The following DENND4C variants were observed in gnomAD, a reference collection of about 807,000 sequenced individuals.
DENND4C encodes DENN domain-containing protein 4C.
Under a neutral mutation model 203.0 loss-of-function variants are expected in DENND4C, and 108 were observed. The ratio of observed to expected loss-of-function variants is 0.53; its 90% CI spans 0.46 to 0.62. The LOEUF (loss-of-function observed/expected upper bound fraction) is 0.62. Among genes scored for constraint, DENND4C ranks in the 20% least tolerant of loss-of-function variants. The pLI is 0.00. For synonymous variants in DENND4C, 871 were observed against 792.4 expected, an observed-to-expected ratio of 1.10 and a Z score of -1.67; for missense variants, 2,481 against 2,301.2, an observed-to-expected ratio of 1.08 and a Z score of -1.60.
intron 1 of DENND4C, among the ~76,000 whole-genome samples, chr9:19,270,562 A>G (rs1831436674): frequency 6.6e-6 from 1 of 152,240 alleles, no homozygotes; most frequent in Non-Finnish European, 1.5e-5. Flanking sequence ...ACTCCATTGT[A>G]GGTTTATATC....
At chr9:19,258,335 A>G (rs1588762367) in intron 1 of DENND4C, among the ~76,000 whole-genome samples, 1 of 152,164 alleles carries the variant, frequency 6.6e-6, no homozygotes, top group African/African-American at 2.4e-5. Context: ...AGAGGAGGAA[A>G]TTTTTCCCAA....
At chr9:19,246,595 T>G (rs1303801071) in intron 1 of DENND4C, among the ~76,000 whole-genome samples, 3 of 152,228 alleles carry the variant, frequency 2.0e-5, no homozygotes, top group East Asian at 3.9e-4. Flanking sequence ...GTTTTTATTC[T>G]CTGCAGCGAA....
chr9:19,340,880 TC>T, intron 20 of DENND4C, 111 bp from the exon 21 acceptor site: 2 of 933,328 alleles, frequency 2.1e-6, no homozygotes, highest in Non-Finnish European at 3.0e-6. Flanking sequence ...TTTCTTGTCT[TC>T]CTTTTGTCTA....
intron 4 of DENND4C, 39 bp from the exon 5 acceptor site, chr9:19,290,665 A>G: frequency 7.6e-7 from 1 of 1,309,666 alleles, no homozygotes; most frequent in African/African-American, 1.5e-5. Context: ...TGGAAAAGTA[A>G]CTATTTAAAA....
chr9:19,372,452 A>G lies in DENND4C; in HGVS notation c.*279A>G. The G allele has an allele frequency of 3.4e-6, 1 of 293,188 alleles. No homozygotes were observed. Among genetic ancestry groups the G allele is most frequent in the Non-Finnish European group, 6.3e-6 (1 of 159,862 alleles). 18.2% of individuals were successfully genotyped at this position (293,188 alleles called of 1,614,324 possible). A position where few individuals can be genotyped will look rare whatever the true frequency, so the allele number is the denominator to read the frequency against. ...TTTGGGATTCTTCAGTATTTGTAGT[A>G]GTTTGATAGAAATAATGAGGAACCA... On this transcript the variant is annotated 3_prime_UTR_variant, in exon 33 of 33. Coordinates refer to ENST00000434457, the MANE Select transcript of DENND4C (RefSeq NM_001330640.2).
intron 8 of DENND4C, among the ~76,000 whole-genome samples, chr9:19,299,739 G>A (rs897241469): frequency 2.6e-5 from 4 of 152,088 alleles, no homozygotes; most frequent in Non-Finnish European, 5.9e-5. Flanking sequence ...CCACCCTGTA[G>A]CCAGTGTGTC....
chr9:19,354,924 T>C (rs968986154), intron 26 of DENND4C, among the ~76,000 whole-genome samples: 1 of 151,514 alleles, frequency 6.6e-6, no homozygotes, highest in Non-Finnish European at 1.5e-5. Flanking sequence ...TTGTTTTTTT[T>C]TTTGAGATGG....
chr9:19,349,931 T>G (rs1012008074), intron 23 of DENND4C, among the ~76,000 whole-genome samples: 1 of 152,230 alleles, frequency 6.6e-6, no homozygotes, highest in Non-Finnish European at 1.5e-5. Flanking sequence ...TATATCAAGA[T>G]TTTGATTATA....
chr9:19,302,688 G>C (rs1838828857), intron 9 of DENND4C, among the ~76,000 whole-genome samples: 1 of 152,216 alleles, frequency 6.6e-6, no homozygotes. Flanking sequence ...TCCTTTGTGA[G>C]TGGCTCTGCC....
intron 2 of DENND4C, among the ~76,000 whole-genome samples, chr9:19,280,398 G>T (rs1833818506): frequency 6.6e-6 from 1 of 152,152 alleles, no homozygotes; most frequent in South Asian, 2.1e-4. Context: ...ACCTGCCTCT[G>T]CCTCCCAAAG....
chr9:19,356,786 T>TGAGAGAGAGAGA (rs1390196943), intron 26 of DENND4C, among the ~76,000 whole-genome samples, 186 bp from the exon 27 acceptor site: 71 of 118,820 alleles, frequency 6.0e-4, no homozygotes, highest in African/African-American at 2.3e-3. Context: ...TGTGTGTGTG[T>TGAGAGAGAGAGA]GTGAGAGAGA....
intron 2 of DENND4C, among the ~76,000 whole-genome samples, chr9:19,281,121 T>C (rs948289062): frequency 2.6e-5 from 4 of 152,230 alleles, no homozygotes; most frequent in African/African-American, 9.6e-5. Flanking sequence ...TGTGAATCTC[T>C]GCAAAATTGT....
At chr9:19,323,926 T>C (rs1339173664) in intron 12 of DENND4C, among the ~76,000 whole-genome samples, 2 of 152,222 alleles carry the variant, frequency 1.3e-5, no homozygotes. Context: ...CCTGAGATGC[T>C]GCAGAATCTG....
In DENND4C at chr9:19,373,661, C is replaced by G. The variant is rs757031802; in HGVS notation, c.*1488C>G. 5 of 152,518 alleles carry G rather than the reference C, an allele frequency of 3.3e-5. No homozygotes were observed. Among genetic ancestry groups the G allele is most frequent in the East Asian group, 1.9e-4 (1 of 5,200 alleles). 9.4% of individuals were successfully genotyped at this position (152,518 alleles called of 1,614,324 possible). On this transcript the variant is annotated 3_prime_UTR_variant, in exon 33 of 33. Transcript: ENST00000434457. ...ATGCCTCACTTTGACATTTATCATGCCTTTTATTAAAAATATCCCTTAGGA... is the reference window on the plus strand; with the variant it reads ...ATGCCTCACTTTGACATTTATCATGGCTTTTATTAAAAATATCCCTTAGGA...
chr9:19,230,614 G>C (rs1820260862), upstream of DENND4C: 1 of 152,068 alleles, frequency 6.6e-6, no homozygotes, highest in Non-Finnish European at 1.5e-5. Flanking sequence ...AGGCACCCGC[G>C]CGGGCCAGCG....
chr9:19,369,920 C>T lies in DENND4C; in HGVS notation c.5608C>T (p.His1870Tyr), dbSNP rs947490776. The change falls in exon 31 of 33, where the codon CAC (histidine) becomes TAC (tyrosine). Residue 1870 changes from histidine (H) to tyrosine (Y), a missense_variant. His to Tyr is a moderately conservative substitution (Grantham distance 83). Coordinates refer to ENST00000434457, the MANE Select transcript of DENND4C (RefSeq NM_001330640.2). ...LVETIRQSIQHNNVLKPINLL... is the reference protein window; with the variant it reads ...LVETIRQSIQYNNVLKPINLL... ...AGAAACCATCAGGCAGAGTATTCAG[C>T]ACAATAATGTTCTTAAACCCATCAA... 2 of 1,613,858 alleles carry T rather than the reference C, an allele frequency of 1.2e-6. No individual in the cohort carries two copies. Among genetic ancestry groups the T allele is most frequent in the Non-Finnish European group, 8.5e-7 (1 of 1,179,944 alleles).
chr9:19,248,007 T>G (rs2131563917), intron 1 of DENND4C, among the ~76,000 whole-genome samples: 1 of 152,332 alleles, frequency 6.6e-6, no homozygotes, highest in African/African-American at 2.4e-5. Flanking sequence ...TTCTGGGTTA[T>G]TTTAATTGCC....
At chr9:19,356,043 G>A (rs1444240104) in intron 26 of DENND4C, among the ~76,000 whole-genome samples, 1 of 151,918 alleles carries the variant, frequency 6.6e-6, no homozygotes. Context: ...TCTGTCCCCT[G>A]AATATGTTGT....
intron 1 of DENND4C, among the ~76,000 whole-genome samples, chr9:19,270,892 A>G (rs1831506148): frequency 6.6e-6 from 1 of 152,240 alleles, no homozygotes; most frequent in Non-Finnish European, 1.5e-5. Context: ...ATTGCATTAT[A>G]TGAGATCAAT....
Sources: gnomAD v4.1 joint callset for allele counts (sites outside exome capture counted in the v4.1 genomes callset) on GRCh38, gnomAD v4.1.1 for gene constraint, MANE v1.5 for transcripts, NCBI Gene and HGNC (gene_info 2026-07-23, HGNC 2026-07-21) for gene names.